Variants in CLEC3A observed in about 807,000 individuals in gnomAD.
The protein encoded by CLEC3A is C-type (calcium dependent, carbohydrate-recognition domain) lectin, superfamily member 1 (cartilage-derived).
CLEC3A carries 28 observed loss-of-function variants against 20.4 expected under a neutral mutation model. That is an observed-to-expected ratio of 1.37 (90% confidence interval 1.02 to 1.88). The LOEUF (loss-of-function observed/expected upper bound fraction) is 1.88, where lower values mean the gene tolerates loss of function less well. Ranked by LOEUF, CLEC3A falls within the 40% of genes most tolerant of loss-of-function variation. The pLI, the probability that CLEC3A is intolerant of heterozygous loss-of-function variation, is 0.00. For missense variants in CLEC3A, 357 were observed against 240.4 expected, an observed-to-expected ratio of 1.48 and a Z score of -3.21; for synonymous variants, 110 against 88.1, an observed-to-expected ratio of 1.25 and a Z score of -1.39.
intron 1 of CLEC3A, 61 bp downstream of exon 1, chr16:78,022,802 C>G (rs1365428084): frequency 5.7e-6 from 9 of 1,570,522 alleles, no homozygotes; most frequent in Non-Finnish European, 7.8e-6. Context: ...AGGTGCTGGA[C>G]AATGTTAATT....
intron 2 of CLEC3A, chr16:78,029,269 C>A: frequency 2.9e-6 from 1 of 348,934 alleles, no homozygotes; most frequent in South Asian, 2.3e-5. Context: ...TCTTTATGCT[C>A]AGTTTATCCT....
In CLEC3A at chr16:78,022,667, C is replaced by T. The variant is rs1370918425; in HGVS notation, c.41C>T (p.Thr14Ile). 6.2e-7 allele frequency: 1 copy of T among 1,614,122 alleles called. No homozygotes were observed. The highest frequency in any genetic ancestry group is 1.1e-5 in the South Asian group (1 of 91,078). Residue 14 changes from threonine (T) to isoleucine (I), a missense_variant, in exon 1 of 3, where the codon ACC (threonine) becomes ATC (isoleucine). Transcript: ENST00000299642. ...CTTGTAATTTGCATCCTGGTGATCA[C>T]CTTACTCCTGGACCAGACCACCAGC... ...NGLVICILVI[T>I]LLLDQTTSHT...
At position 78,030,660 on chromosome 16, in the gene CLEC3A, A is replaced by C. The variant is rs774296436; in HGVS notation, c.413A>C (p.Glu138Ala). 6.2e-7 allele frequency: 1 copy of C among 1,614,092 alleles called. No homozygotes were observed. The highest frequency in any genetic ancestry group is 1.1e-5 in the South Asian group (1 of 91,064). ...FWLGINDMVT[E>A]GKFVDVNGIA... is the part of the protein sequence containing the mutation. ...CTGGGCATCAATGACATGGTCACGG[A>C]AGGCAAGTTTGTTGACGTCAACGGA... is the stretch of plus-strand genomic sequence containing the variant. Residue 138 changes from glutamate (E) to alanine (A), a missense_variant, in exon 3 of 3, where the codon GAA becomes GCA. Glu to Ala is a moderately radical substitution (Grantham distance 107). Transcript: ENST00000299642.
At position 78,031,062 on chromosome 16, in the gene CLEC3A, G is replaced by T. The variant is rs755765018; in HGVS notation, c.*221G>T. 2 of 510,854 alleles carry T rather than the reference G, an allele frequency of 3.9e-6. No homozygotes were observed. The highest frequency in any genetic ancestry group is 3.7e-5 in the Admixed American group (1 of 26,730). 31.6% of individuals were successfully genotyped at this position (510,854 alleles called of 1,614,324 possible). On this transcript the variant is annotated 3_prime_UTR_variant, in exon 3 of 3. Coordinates refer to ENST00000299642, the MANE Select transcript of CLEC3A (RefSeq NM_005752.6). ...ATCAGAAATATTGATCCATGTGCAC[G>T]CAGATAAAATGGCTTCTGCTAAACA... is the stretch of plus-strand genomic sequence containing the variant.
chr16:78,025,870 T>C (rs781302998), intron 1 of CLEC3A, among the ~76,000 whole-genome samples: 33 of 152,208 alleles, frequency 2.2e-4, no homozygotes, highest in Non-Finnish European at 4.1e-4. Flanking sequence ...GAGCCTAATA[T>C]CAATTCATGT....
intron 1 of CLEC3A, among the ~76,000 whole-genome samples, chr16:78,026,571 T>A (rs1006830759): frequency 1.3e-5 from 2 of 152,196 alleles, no homozygotes; most frequent in African/African-American, 4.8e-5. Flanking sequence ...CCGGGACTCT[T>A]TCTTCTGCAG....
At chr16:78,026,295 A>C (rs538315434) in intron 1 of CLEC3A, among the ~76,000 whole-genome samples, 98 of 152,320 alleles carry the variant, frequency 6.4e-4, no homozygotes, top group Non-Finnish European at 1.3e-3. Context: ...GCACATGTGA[A>C]TTTTAGACTG....
chr16:78,030,637 G>T lies in CLEC3A; in HGVS notation c.390G>T (p.Leu130=), dbSNP rs1255691134. Residue 130 remains leucine (L), a synonymous_variant, in exon 3 of 3, where the codon CTG becomes CTT. Coordinates refer to ENST00000299642, the MANE Select transcript of CLEC3A (RefSeq NM_005752.6). ...TGCCAGGTGTCAATGACTTTTGGCT[G>T]GGCATCAATGACATGGTCACGGAAG... ...RSLPGVNDFW[L]GINDMVTEGK... is the part of the protein sequence containing the mutation. 1 of 1,613,942 alleles carries T rather than the reference G, an allele frequency of 6.2e-7. No individual in the cohort carries two copies. The highest frequency in any genetic ancestry group is 1.3e-5 in the African/African-American group (1 of 74,882).
Position 78,022,609 on chromosome 16 carries a change from C to T in CLEC3A, c.-18C>T. The T allele has an allele frequency of 6.2e-7, 1 of 1,613,332 alleles. No homozygotes were observed. The highest frequency in any genetic ancestry group is 1.1e-5 in the South Asian group (1 of 90,944). ...TAAGGGGGCTGGCAACATGGCTCAG[C>T]AGGCTTGCCCCAGAGCCATGGCAAA... On this transcript the variant is annotated 5_prime_UTR_variant, in exon 1 of 3. An upstream open reading frame in the 5' UTR gains an earlier in-frame stop. Transcript: ENST00000299642.
chr16:78,028,149 C>T lies in CLEC3A; in HGVS notation c.158C>T (p.Thr53Ile), dbSNP rs373699983. 6.2e-7 allele frequency: 1 copy of T among 1,611,674 alleles called. No homozygotes were observed. Among genetic ancestry groups the T allele is most frequent in the African/African-American group, 1.3e-5 (1 of 74,826 alleles). ...AAGACTCAAATTGAAAAGCTCTGGACAGAAGTCAATGCCTTGAAGGAAATT... is the reference window on the plus strand; with the variant it reads ...AAGACTCAAATTGAAAAGCTCTGGATAGAAGTCAATGCCTTGAAGGAAATT... ...DLKTQIEKLW[T>I]EVNALKEIQA... Residue 53 changes from threonine to isoleucine, a missense_variant, in exon 2 of 3, where the codon ACA (threonine) becomes ATA (isoleucine). By Grantham distance (89) the Thr-to-Ile change is moderately conservative. Coordinates refer to ENST00000299642, the MANE Select transcript of CLEC3A (RefSeq NM_005752.6).
At chr16:78,024,257 C>T (rs1258111209) in intron 1 of CLEC3A, among the ~76,000 whole-genome samples, 1 of 152,078 alleles carries the variant, frequency 6.6e-6, no homozygotes, top group Admixed American at 6.6e-5. Flanking sequence ...AGTGGCACTC[C>T]TCGTGAGAGT....
intron 1 of CLEC3A, among the ~76,000 whole-genome samples, chr16:78,023,481 C>T (rs983016659): frequency 2.6e-5 from 4 of 152,150 alleles, no homozygotes; most frequent in African/African-American, 7.2e-5. Flanking sequence ...GTTTGCAATA[C>T]GTTGAAACCT....
At chr16:78,026,873 A>G (rs2029940010) in intron 1 of CLEC3A, among the ~76,000 whole-genome samples, 1 of 152,200 alleles carries the variant, frequency 6.6e-6, no homozygotes, top group African/African-American at 2.4e-5. Flanking sequence ...TACCTAATAT[A>G]GACGTATTTC....
chr16:78,030,678 T>C lies in CLEC3A; in HGVS notation c.431T>C (p.Val144Ala), dbSNP rs764219322. The C allele has an allele frequency of 3.1e-6, 5 of 1,614,118 alleles. No homozygotes were observed. The highest frequency in any genetic ancestry group is 4.2e-6 in the Non-Finnish European group (5 of 1,180,026). Reference sequence around the variant, plus strand: ...GTCACGGAAGGCAAGTTTGTTGACGTCAACGGAATCGCTATCTCCTTCCTC... The same window carrying C: ...GTCACGGAAGGCAAGTTTGTTGACGCCAACGGAATCGCTATCTCCTTCCTC... Reference protein sequence around the residue: ...DMVTEGKFVDVNGIAISFLNW... With the variant: ...DMVTEGKFVDANGIAISFLNW... Residue 144 changes from valine to alanine, a missense_variant, in exon 3 of 3, where the codon GTC becomes GCC. Coordinates refer to ENST00000299642, the MANE Select transcript of CLEC3A (RefSeq NM_005752.6).
chr16:78,030,571 C>T lies in CLEC3A; in HGVS notation c.324C>T (p.Ser108=), dbSNP rs751293673. The change falls in exon 3 of 3, where the codon TCC becomes TCT. Residue 108 remains serine, a synonymous_variant. Coordinates refer to ENST00000299642, the MANE Select transcript of CLEC3A (RefSeq NM_005752.6). The part of the protein sequence containing the change: ...KGGILVIPRN[S]DEINALQDYG... Reference sequence around the variant, plus strand: ...GAATCCTGGTTATCCCCAGGAACTCCGACGAAATCAACGCCCTCCAAGACT... The same window carrying T: ...GAATCCTGGTTATCCCCAGGAACTCTGACGAAATCAACGCCCTCCAAGACT... 6.8e-6 allele frequency: 11 copies of T among 1,614,150 alleles called. No individual in the cohort carries two copies. In the Admixed American group the frequency reaches 1.3e-4, roughly 20 times the overall value.
intron 1 of CLEC3A, among the ~76,000 whole-genome samples, chr16:78,025,412 T>G (rs564866626): frequency 1.3e-5 from 2 of 152,212 alleles, no homozygotes; most frequent in Non-Finnish European, 2.9e-5. Context: ...AGAAGTAAAA[T>G]TGCAGGTTAA....
At chr16:78,027,915 C>T (rs1388526260) in intron 1 of CLEC3A, among the ~76,000 whole-genome samples, 192 bp from the exon 2 acceptor site, 1 of 152,236 alleles carries the variant, frequency 6.6e-6, no homozygotes, top group African/African-American at 2.4e-5. Flanking sequence ...CTTGGCCTCC[C>T]CAAGTGCTGG....
In CLEC3A at chr16:78,030,921, A is replaced by C. The variant is rs767024735; in HGVS notation, c.*80A>C. The C allele has an allele frequency of 1.9e-3, 2,650 of 1,426,222 alleles. 4 individuals are homozygous for C. Among genetic ancestry groups the C allele is most frequent in the Non-Finnish European group, 2.3e-3 (2,430 of 1,061,272 alleles). 88.3% of individuals were successfully genotyped at this position (1,426,222 alleles called of 1,614,324 possible). On this transcript the variant is annotated 3_prime_UTR_variant, in exon 3 of 3. Transcript: ENST00000299642. ...ATCTCTAAGATCAAGTAAAAATCAT[A>C]ATTTTTACTTATTAAAAAATTGCAA... is the stretch of plus-strand genomic sequence containing the variant.
intron 2 of CLEC3A, 109 bp downstream of exon 2, chr16:78,028,299 G>C (rs1181066796): frequency 1.4e-6 from 1 of 706,738 alleles, no homozygotes; most frequent in Admixed American, 3.7e-5. Flanking sequence ...TCAATAATGT[G>C]GCCAATAAGA....
Sources: allele counts gnomAD v4.1 joint callset (sites outside exome capture counted in the v4.1 genomes callset), GRCh38; gene constraint gnomAD v4.1.1; transcripts MANE v1.5; gene names NCBI Gene and HGNC (gene_info 2026-07-23, HGNC 2026-07-21).